Variants in PAPSS2 observed in about 807,000 individuals in gnomAD.
PAPSS2 encodes the protein bifunctional 3'-phosphoadenosine 5'-phosphosulfate synthase 2.
PAPSS2 carries 61 observed loss-of-function variants against 66.5 expected under a neutral mutation model. The ratio of observed to expected loss-of-function variants is 0.92; its 90% CI spans 0.75 to 1.14. The LOEUF (loss-of-function observed/expected upper bound fraction) is 1.14, where lower values mean the gene tolerates loss of function less well. Among genes scored for constraint, PAPSS2 ranks in the 50% most tolerant of loss-of-function variants. PAPSS2 has a pLI of 0.00. For missense variants in PAPSS2, 708 were observed against 789.6 expected, an observed-to-expected ratio of 0.90 and a Z score of 1.24; for synonymous variants, 289 against 287.5, an observed-to-expected ratio of 1.01 and a Z score of -0.05.
At chr10:87,670,666 G>T (rs1395257764) in intron 1 of PAPSS2, among the ~76,000 whole-genome samples, 3 of 152,054 alleles carry the variant, frequency 2.0e-5, no homozygotes. Context: ...TCTTTTACTG[G>T]AGAGGAGCTG....
In PAPSS2 at chr10:87,746,135, A is replaced by C. The variant is rs1211499644; in HGVS notation, c.*165A>C. 3.8e-6 allele frequency: 2 copies of C among 531,132 alleles called. No individual in the cohort carries two copies. The highest frequency in any genetic ancestry group is 7.2e-5 in the East Asian group (2 of 27,868). The allele number at this position is 531,132 out of a possible 1,614,324, so 32.9% of individuals were successfully genotyped here. The stretch of plus-strand genomic sequence containing the variant: ...AAAAAAAATATATATATATACACAC[A>C]CACATATACATACAAAGTCAAACTG... On this transcript the variant is annotated 3_prime_UTR_variant, in exon 13 of 13. Coordinates refer to ENST00000456849, the MANE Select transcript of PAPSS2 (RefSeq NM_001015880.2).
chr10:87,677,734 T>C (rs1564709848), intron 1 of PAPSS2, among the ~76,000 whole-genome samples: 1 of 152,222 alleles, frequency 6.6e-6, no homozygotes, highest in Non-Finnish European at 1.5e-5. Context: ...ACTGGAAAGC[T>C]ACCCACTATC....
At chr10:87,685,128 T>C (rs1045264599) in intron 1 of PAPSS2, among the ~76,000 whole-genome samples, 1 of 152,164 alleles carries the variant, frequency 6.6e-6, no homozygotes, top group African/African-American at 2.4e-5. Context: ...GGAAATCCTT[T>C]GTAGGCTCAA....
intron 1 of PAPSS2, among the ~76,000 whole-genome samples, chr10:87,707,604 C>G (rs1853409565): frequency 8.3e-6 from 1 of 121,010 alleles, no homozygotes; most frequent in South Asian, 2.6e-4. Context: ...GGGTCTCGCT[C>G]TGTTGCCCAG....
chr10:87,713,330 A>AAAAAT lies in PAPSS2; in HGVS notation c.381+24_381+25insTAAAA. ...GCAAAGGTAAAAAAAAAAAAAAAAAAAAAAGGCACTACACACGATTCCCAC... is the reference window on the plus strand; with the variant it reads ...GCAAAGGTAAAAAAAAAAAAAAAAAAAAAATAAAAGGCACTACACACGATTCCCAC... On this transcript the variant is annotated intron_variant, in intron 3 of 12. Transcript: ENST00000456849. The AAAAAT allele has an allele frequency of 7.2e-7, 1 of 1,395,730 alleles. No homozygotes were observed. 86.5% of individuals were successfully genotyped at this position (1,395,730 alleles called of 1,614,324 possible).
At chr10:87,730,477 A>G (rs1339598472) in intron 9 of PAPSS2, among the ~76,000 whole-genome samples, 1 of 152,226 alleles carries the variant, frequency 6.6e-6, no homozygotes, top group Non-Finnish European at 1.5e-5. Flanking sequence ...TGTTTCTTTC[A>G]GACCTTTAAA....
chr10:87,728,786 C>T (rs995920612), intron 9 of PAPSS2, among the ~76,000 whole-genome samples: 1 of 151,822 alleles, frequency 6.6e-6, no homozygotes, highest in African/African-American at 2.4e-5. Flanking sequence ...AAGATCTCAT[C>T]CAGCCTCATG....
chr10:87,738,441 C>G (rs933986357), intron 9 of PAPSS2, among the ~76,000 whole-genome samples: 2 of 150,106 alleles, frequency 1.3e-5, no homozygotes, highest in African/African-American at 2.4e-5. Flanking sequence ...GTGTGTGTGT[C>G]TCTGTCACCC....
At chr10:87,734,716 C>G (rs1853776504) in intron 9 of PAPSS2, among the ~76,000 whole-genome samples, 1 of 100,636 alleles carries the variant, frequency 9.9e-6, no homozygotes, top group Admixed American at 1.1e-4. Flanking sequence ...TGTATGTATT[C>G]TCCTCTTGTA....
At chr10:87,726,435 A>G (rs1853660649) in intron 8 of PAPSS2, among the ~76,000 whole-genome samples, 3 of 152,236 alleles carry the variant, frequency 2.0e-5, no homozygotes, top group Admixed American at 2.0e-4. Flanking sequence ...TCTAAAAATA[A>G]AGTAAAATAA....
Position 87,715,020 on chromosome 10 carries a change from C to T in PAPSS2, c.675C>T (p.His225=), listed in dbSNP as rs372842598. 169 of 1,611,806 alleles carry T rather than the reference C, an allele frequency of 1.0e-4. No individual in the cohort carries two copies. Among genetic ancestry groups the T allele is most frequent in the Middle Eastern group, 3.3e-4 (2 of 6,080 alleles). ...CCTATACTATAATCAAAGATATCCACGAACTCTTTGTGCCGGAAAACAAAC... is the reference window on the plus strand; with the variant it reads ...CCTATACTATAATCAAAGATATCCATGAACTCTTTGTGCCGGAAAACAAAC... ...IVPYTIIKDI[H]ELFVPENKLD... is the part of the protein sequence containing the mutation. Residue 225 remains histidine (H), a synonymous_variant, in exon 6 of 13, where the codon CAC becomes CAT. Transcript: ENST00000456849.
chr10:87,723,080 A>G (rs999184004), intron 8 of PAPSS2, among the ~76,000 whole-genome samples: 3 of 152,216 alleles, frequency 2.0e-5, no homozygotes, highest in South Asian at 4.1e-4. Context: ...AGGCAACGTT[A>G]CAGACGTGTT....
intron 8 of PAPSS2, among the ~76,000 whole-genome samples, chr10:87,726,628 A>C (rs1321935): frequency 0.051 from 7,698 of 152,256 alleles, 275 homozygotes; most frequent in South Asian, 0.14. Context: ...AAGAAAGTTA[A>C]AAATTTAAAA....
At chr10:87,660,100 C>T (rs1164240860) in intron 1 of PAPSS2, 92 bp downstream of exon 1, 36 of 1,329,926 alleles carry the variant, frequency 2.7e-5, no homozygotes, top group Admixed American at 1.3e-4. Flanking sequence ...GTCCCACCCT[C>T]CCCGGGAGGG....
intron 1 of PAPSS2, among the ~76,000 whole-genome samples, chr10:87,680,014 G>A (rs1161384347): frequency 7.2e-6 from 1 of 138,626 alleles, no homozygotes; most frequent in African/African-American, 2.8e-5. Flanking sequence ...GAGCAACAGT[G>A]AGAACCTATC....
intron 1 of PAPSS2, among the ~76,000 whole-genome samples, chr10:87,665,076 C>T (rs1223939163): frequency 6.6e-6 from 1 of 152,154 alleles, no homozygotes; most frequent in Admixed American, 6.5e-5. Flanking sequence ...GGGTATTTGT[C>T]ATTACTGCTG....
chr10:87,737,411 TATC>T, intron 9 of PAPSS2, among the ~76,000 whole-genome samples: 1 of 152,160 alleles, frequency 6.6e-6, no homozygotes, highest in South Asian at 2.1e-4. Flanking sequence ...ACATAAAAAT[TATC>T]ATCTTAACCT....
intron 4 of PAPSS2, 132 bp downstream of exon 4, chr10:87,714,314 T>C: frequency 1.1e-6 from 1 of 925,082 alleles, no homozygotes; most frequent in Non-Finnish European, 1.7e-6. Flanking sequence ...CAACTTTTTA[T>C]CAGATCATGA....
At chr10:87,737,237 C>T (rs1031838208) in intron 9 of PAPSS2, among the ~76,000 whole-genome samples, 2 of 152,090 alleles carry the variant, frequency 1.3e-5, no homozygotes, top group African/African-American at 4.8e-5. Context: ...GATGGTTCTT[C>T]TGCAGGTCTC....
Sources: gnomAD v4.1 joint callset for allele counts (sites outside exome capture counted in the v4.1 genomes callset) on GRCh38, gnomAD v4.1.1 for gene constraint, MANE v1.5 for transcripts, NCBI Gene and HGNC (gene_info 2026-07-23, HGNC 2026-07-21) for gene names.